The following WWC1 variants were observed in gnomAD, a reference collection of about 807,000 sequenced individuals.
WWC1 encodes the protein protein KIBRA.
In WWC1, 55 loss-of-function variants were observed where a neutral mutation model predicts 138.4. The observed-to-expected ratio is 0.40, with a 90% CI of 0.32 to 0.50. The LOEUF (loss-of-function observed/expected upper bound fraction) is 0.50. Among genes scored for constraint, WWC1 ranks in the 20% least tolerant of loss-of-function variants. WWC1 has a pLI of 0.72. For missense variants in WWC1, 1,226 were observed against 1,420.4 expected, an observed-to-expected ratio of 0.86 and a Z score of 2.20; for synonymous variants, 524 against 564.9, an observed-to-expected ratio of 0.93 and a Z score of 1.03.
chr5:168,399,615 G>T, intron 5 of WWC1, 48 bp downstream of exon 5: 1 of 1,583,730 alleles, frequency 6.3e-7, no homozygotes, highest in Admixed American at 1.7e-5. Context: ...CCCCACCCTG[G>T]TTCCCCTCCT....
At chr5:168,297,519 G>T (rs542351762) in intron 1 of WWC1, among the ~76,000 whole-genome samples, 1 of 151,840 alleles carries the variant, frequency 6.6e-6, no homozygotes, top group Admixed American at 6.6e-5. Context: ...CCGGCTACTC[G>T]GGAGGCTGAG....
chr5:168,395,515 A>G (rs750461024), intron 3 of WWC1, among the ~76,000 whole-genome samples: 6 of 152,168 alleles, frequency 3.9e-5, no homozygotes, highest in Non-Finnish European at 7.3e-5. Context: ...TTTTATTATA[A>G]CATTATAATA....
At chr5:168,400,677 A>G (rs367633856) in intron 5 of WWC1, among the ~76,000 whole-genome samples, 1 of 152,176 alleles carries the variant, frequency 6.6e-6, no homozygotes, top group East Asian at 1.9e-4. Flanking sequence ...GGCTGGGCAC[A>G]GTGGCTCAGG....
intron 17 of WWC1, among the ~76,000 whole-genome samples, chr5:168,451,955 T>C (rs1755866575): frequency 7.2e-6 from 1 of 138,560 alleles, no homozygotes; most frequent in African/African-American, 2.8e-5. Context: ...ACCCAGGCTG[T>C]AGTGCAGTGG....
At chr5:168,443,331 C>T (rs187354178) in intron 16 of WWC1, among the ~76,000 whole-genome samples, 76 of 152,106 alleles carry the variant, frequency 5.0e-4, no homozygotes, top group African/African-American at 1.7e-3. Context: ...TCTTTTTCAT[C>T]GTCATCATCA....
chr5:168,414,883 AAC>A lies in WWC1; in HGVS notation c.1184+294_1184+295del, dbSNP rs1780491190. Reference sequence around the variant, plus strand: ...TCAATTAAGCCACATAACTCTATATAACTTAAAGCAGTCATTTTCCAACTTTT... The same window carrying A: ...TCAATTAAGCCACATAACTCTATATATTAAAGCAGTCATTTTCCAACTTTT... On this transcript the variant is annotated intron_variant, in intron 9 of 22. Transcript: ENST00000265293. 4.3e-5 allele frequency: 13 copies of A among 301,806 alleles called. No homozygotes were observed. In the African/African-American group the frequency reaches 5.4e-4, roughly 13 times the overall value. The allele number at this position is 301,806 out of a possible 1,614,324, so 18.7% of individuals were successfully genotyped here.
intron 7 of WWC1, 118 bp from the exon 8 acceptor site, chr5:168,409,803 CG>C: frequency 3.0e-6 from 3 of 989,266 alleles, no homozygotes; most frequent in Non-Finnish European, 3.2e-6. Context: ...GCCCAGTCAC[CG>C]GGGGCTATTC....
At chr5:168,350,614 T>C (rs1427206943) in intron 1 of WWC1, among the ~76,000 whole-genome samples, 1 of 152,116 alleles carries the variant, frequency 6.6e-6, no homozygotes, top group Non-Finnish European at 1.5e-5. Flanking sequence ...CACCCCAACA[T>C]AAAGGGCATC....
At chr5:168,448,443 T>C (rs1409154612) in intron 17 of WWC1, among the ~76,000 whole-genome samples, 1 of 152,148 alleles carries the variant, frequency 6.6e-6, no homozygotes. Flanking sequence ...CTAAGAGTGT[T>C]AGAAAATACA....
At chr5:168,464,578 GA>G in intron 20 of WWC1, 150 bp from the exon 21 acceptor site, 2 of 1,305,306 alleles carry the variant, frequency 1.5e-6, no homozygotes, top group Non-Finnish European at 2.1e-6. Context: ...CTGAGTGGGA[GA>G]ATTCAAAACA....
chr5:168,302,828 G>T (rs371844471), intron 1 of WWC1, among the ~76,000 whole-genome samples: 148 of 152,280 alleles, frequency 9.7e-4, no homozygotes, highest in African/African-American at 3.4e-3. Context: ...GGCACTGGGG[G>T]TTCAGCAGGG....
intron 1 of WWC1, among the ~76,000 whole-genome samples, chr5:168,332,648 G>A (rs951035764): frequency 3.3e-5 from 5 of 152,114 alleles, no homozygotes; most frequent in African/African-American, 1.2e-4. Flanking sequence ...GGTGAGGAGG[G>A]AAAAGTTTCT....
In WWC1 at chr5:168,389,594, TTTG is replaced by T. The variant is rs1309757425; in HGVS notation, c.433+4183_433+4185del. The stretch of plus-strand genomic sequence containing the variant: ...AATCTTTATGTTTAACTATTGAATT[TTTG>T]TTTTTTTTTTTTTTTTTTTTTGTTA... On this transcript the variant is annotated intron_variant, in intron 3 of 22. Coordinates refer to ENST00000265293, the MANE Select transcript of WWC1 (RefSeq NM_015238.3). Among the ~76,000 whole-genome samples, 307 of 80,092 alleles carry T rather than the reference TTTG, an allele frequency of 3.8e-3. 2 individuals are homozygous for T. The highest frequency in any genetic ancestry group is 0.018 in the African/African-American group (289 of 15,930). The allele number at this position is 80,092 out of a possible 152,430, so 52.5% of individuals were successfully genotyped here.
chr5:168,419,770 A>G (rs1435113006), intron 9 of WWC1, among the ~76,000 whole-genome samples: 1 of 152,096 alleles, frequency 6.6e-6, no homozygotes, highest in African/African-American at 2.4e-5. Flanking sequence ...GGCCCACTCC[A>G]GGGGTTGGAG....
intron 1 of WWC1, among the ~76,000 whole-genome samples, chr5:168,299,874 A>G (rs957673136): frequency 2.0e-5 from 3 of 152,208 alleles, no homozygotes; most frequent in African/African-American, 7.2e-5. Context: ...GTGGCTGTCC[A>G]TGACGTGTAT....
chr5:168,298,936 T>G (rs1769808312), intron 1 of WWC1, among the ~76,000 whole-genome samples: 2 of 152,088 alleles, frequency 1.3e-5, no homozygotes, highest in African/African-American at 4.8e-5. Flanking sequence ...ATGCAAAATA[T>G]TAGCCAGGTG....
chr5:168,462,207 C>A (rs1400232963), intron 20 of WWC1, among the ~76,000 whole-genome samples: 1 of 150,952 alleles, frequency 6.6e-6, no homozygotes, highest in Non-Finnish European at 1.5e-5. Flanking sequence ...TGCCTAACAT[C>A]CTACACCTTA....
chr5:168,322,127 A>G (rs1412552779), intron 1 of WWC1, among the ~76,000 whole-genome samples: 4 of 152,208 alleles, frequency 2.6e-5, no homozygotes, highest in Non-Finnish European at 5.9e-5. Context: ...TCTGTAGGCA[A>G]CATGACATGT....
intron 4 of WWC1, among the ~76,000 whole-genome samples, chr5:168,398,083 TTTTATTTA>T (rs149097323): frequency 6.6e-6 from 1 of 151,030 alleles, no homozygotes; most frequent in East Asian, 1.9e-4. Flanking sequence ...ATTTTATTAT[TTTTATTTA>T]TTTATTTATT....
Sources: allele counts gnomAD v4.1 joint callset (sites outside exome capture counted in the v4.1 genomes callset), GRCh38; gene constraint gnomAD v4.1.1; transcripts MANE v1.5; gene names NCBI Gene and HGNC (gene_info 2026-07-23, HGNC 2026-07-21).